The following MYL1 variants were observed in gnomAD, a reference collection of about 807,000 sequenced individuals.
MYL1 encodes the protein myosin light chain 1.
In MYL1, 16 loss-of-function variants were observed where a neutral mutation model predicts 21.8. The ratio of observed to expected loss-of-function variants is 0.74; its 90% CI spans 0.50 to 1.12. The LOEUF (loss-of-function observed/expected upper bound fraction) is 1.12, where lower values mean the gene tolerates loss of function less well. Among genes scored for constraint, MYL1 ranks in the 50% most tolerant of loss-of-function variants. MYL1 has a pLI of 0.00. For missense variants in MYL1, 246 were observed against 241.0 expected (o/e 1.02, Z -0.14); for synonymous variants, 99 against 85.2 (o/e 1.16, Z -0.89).
At chr2:210,303,130 CT>C (rs932148372) in intron 1 of MYL1, among the ~76,000 whole-genome samples, 44 of 152,256 alleles carry the variant, frequency 2.9e-4, no homozygotes, top group Middle Eastern at 3.4e-3. Flanking sequence ...AGTCTGTCTT[CT>C]ATTTAACCAG....
At chr2:210,293,601 T>C in intron 5 of MYL1, 122 bp downstream of exon 5, 1 of 740,312 alleles carries the variant, frequency 1.4e-6, no homozygotes, top group South Asian at 1.7e-5. Context: ...TTTTTAGAGT[T>C]ATGCAATTGA....
intron 1 of MYL1, among the ~76,000 whole-genome samples, chr2:210,310,424 C>G (rs1324685462): frequency 6.6e-6 from 1 of 151,938 alleles, no homozygotes; most frequent in Non-Finnish European, 1.5e-5. Context: ...AAATAGAGAT[C>G]TCATACCCTC....
chr2:210,301,232 C>A (rs973525088), intron 2 of MYL1, among the ~76,000 whole-genome samples: 4 of 152,088 alleles, frequency 2.6e-5, no homozygotes, highest in Non-Finnish European at 5.9e-5. Context: ...GAATCACCAA[C>A]TGTTTTCAAT....
chr2:210,292,361 C>A (rs1372521024), intron 5 of MYL1, among the ~76,000 whole-genome samples: 1 of 151,916 alleles, frequency 6.6e-6, no homozygotes, highest in Admixed American at 6.6e-5. Context: ...GCGTGAGCCA[C>A]CACGCCCAGC....
chr2:210,297,018 C>CATATATATAT (rs35761433), intron 3 of MYL1, among the ~76,000 whole-genome samples: 5 of 134,334 alleles, frequency 3.7e-5, no homozygotes, highest in African/African-American at 1.3e-4. Context: ...TGTGTGTGTA[C>CATATATATAT]ATATATATAT....
chr2:210,310,090 C>A (rs1296083058), intron 1 of MYL1, among the ~76,000 whole-genome samples: 1 of 151,930 alleles, frequency 6.6e-6, no homozygotes, highest in Admixed American at 6.6e-5. Flanking sequence ...CTGATTTGCT[C>A]CTGAGGTTAT....
At chr2:210,307,533 A>G (rs761211873) in intron 1 of MYL1, among the ~76,000 whole-genome samples, 2 of 152,114 alleles carry the variant, frequency 1.3e-5, no homozygotes, top group Non-Finnish European at 1.5e-5. Flanking sequence ...TAGATTTTAT[A>G]TCAATGTTTT....
chr2:210,295,821 C>G (rs1177474047), intron 3 of MYL1, among the ~76,000 whole-genome samples: 1 of 144,956 alleles, frequency 6.9e-6, no homozygotes, highest in Non-Finnish European at 1.5e-5. Context: ...TGAGACCCTG[C>G]CTCAGAAAAA....
chr2:210,313,733 A>C (rs1173410964), intron 1 of MYL1, among the ~76,000 whole-genome samples: 2 of 152,082 alleles, frequency 1.3e-5, no homozygotes, highest in Non-Finnish European at 2.9e-5. Context: ...AAATATATTT[A>C]ACTTCATTAC....
Position 210,294,380 on chromosome 2 carries a change from G to A in MYL1, c.343C>T (p.Pro115Ser). ...TTGTTGGAAATGGCTTGCATCATAG[G>A]CAGAAATTGTTCAAACTCAATTTTC... The part of the protein sequence containing the change: ...AKKIEFEQFL[P>S]MMQAISNNKD... The change falls in exon 4 of 7, where the codon CCT becomes TCT. Residue 115 changes from proline to serine, a missense_variant. Transcript: ENST00000352451. The A allele has an allele frequency of 6.2e-7, 1 of 1,613,846 alleles. No homozygotes were observed. Among genetic ancestry groups the A allele is most frequent in the Non-Finnish European group, 8.5e-7 (1 of 1,179,874 alleles).
chr2:210,296,869 G>A (rs1373864785), intron 3 of MYL1, among the ~76,000 whole-genome samples: 4 of 151,894 alleles, frequency 2.6e-5, no homozygotes, highest in Admixed American at 6.6e-5. Flanking sequence ...CTACATATGA[G>A]TGAGAACATG....
intron 3 of MYL1, among the ~76,000 whole-genome samples, chr2:210,294,808 C>T (rs1231766377): frequency 2.0e-5 from 3 of 151,922 alleles, no homozygotes; most frequent in Non-Finnish European, 1.5e-5. Context: ...TAGTATTGTC[C>T]ATTTAATATT....
intron 1 of MYL1, chr2:210,303,011 A>C: frequency 1.7e-6 from 1 of 573,794 alleles, no homozygotes; most frequent in East Asian, 2.9e-5. Context: ...ATTTAACTAA[A>C]TGCTACATTT....
chr2:210,315,004 C>T lies in MYL1; in HGVS notation c.39G>A (p.Ala13=), dbSNP rs774172250. 4.4e-6 allele frequency: 7 copies of T among 1,606,652 alleles called. No homozygotes were observed. The highest frequency in any genetic ancestry group is 2.7e-5 in the African/African-American group (2 of 74,066). ...GTGCCGGGGCTGGGGCAGCCGCAGC[C>T]GCAGCCACAGGTTTCTTCACGTCTT... ...PKKDVKKPVA[A]AAAAPAPAPA... Residue 13 remains alanine, a synonymous_variant, in exon 1 of 7, where the codon GCG becomes GCA. Coordinates refer to ENST00000352451, the MANE Select transcript of MYL1 (RefSeq NM_079420.3).
chr2:210,298,453 C>T lies in MYL1; in HGVS notation c.271G>A (p.Val91Ile). The T allele has an allele frequency of 6.2e-7, 1 of 1,613,892 alleles. No individual in the cohort carries two copies. Among genetic ancestry groups the T allele is most frequent in the Non-Finnish European group, 8.5e-7 (1 of 1,179,960 alleles). Residue 91 changes from valine (V) to isoleucine (I), a missense_variant, in exon 3 of 7, where the codon GTC becomes ATC. Coordinates refer to ENST00000352451, the MANE Select transcript of MYL1 (RefSeq NM_079420.3). The stretch of plus-strand genomic sequence containing the variant: ...CTGGGGTTTCCCAGAACTTTCCTGA[C>T]CTCTGCATTGGTGGGATTTGTGCCC... ...ALGTNPTNAE[V>I]RKVLGNPSNE... is the part of the protein sequence containing the mutation.
intron 1 of MYL1, among the ~76,000 whole-genome samples, chr2:210,311,730 T>C (rs985470728): frequency 1.3e-5 from 2 of 152,064 alleles, no homozygotes; most frequent in Admixed American, 6.6e-5. Context: ...ATTCTTGTTT[T>C]TGAACCTACA....
chr2:210,300,114 G>A (rs1428324010), intron 2 of MYL1, among the ~76,000 whole-genome samples: 1 of 152,086 alleles, frequency 6.6e-6, no homozygotes, highest in Non-Finnish European at 1.5e-5. Flanking sequence ...TCTTTCTAAG[G>A]GACATGTGAA....
intron 1 of MYL1, chr2:210,303,474 C>T: frequency 6.8e-7 from 1 of 1,475,138 alleles, no homozygotes; most frequent in Non-Finnish European, 9.3e-7. Flanking sequence ...TATCTTTCTT[C>T]TCAATAAGAT....
At chr2:210,301,061 T>C (rs1690258420) in intron 2 of MYL1, among the ~76,000 whole-genome samples, 1 of 152,156 alleles carries the variant, frequency 6.6e-6, no homozygotes, top group South Asian at 2.1e-4. Flanking sequence ...CGTTAAATCA[T>C]TGAGTCCTTG....
Sources: gnomAD v4.1 joint callset for allele counts (sites outside exome capture counted in the v4.1 genomes callset) on GRCh38, gnomAD v4.1.1 for gene constraint, MANE v1.5 for transcripts, NCBI Gene and HGNC (gene_info 2026-07-23, HGNC 2026-07-21) for gene names.